Variants in GDPD5 observed in about 807,000 individuals in gnomAD.
The protein encoded by GDPD5 is glycerophosphodiester phosphodiesterase 2.
A neutral mutation model predicts 75.1 loss-of-function variants in GDPD5; 48 were observed. The observed-to-expected ratio is 0.64, with a 90% CI of 0.51 to 0.81. GDPD5 has a LOEUF of 0.81. Among genes scored for constraint, GDPD5 ranks in the 40% least tolerant of loss-of-function variants. The pLI, the probability that GDPD5 is intolerant of heterozygous loss-of-function variation, is 0.00. For missense variants in GDPD5, 706 were observed against 822.6 expected (o/e 0.86, Z 1.73); for synonymous variants, 336 against 339.0 (o/e 0.99, Z 0.10).
intron 9 of GDPD5, 83 bp downstream of exon 9, chr11:75,448,894 T>C: frequency 1.4e-6 from 2 of 1,417,110 alleles, no homozygotes; most frequent in South Asian, 3.2e-5. Context: ...GTTGCTACCA[T>C]TACATATATC....
At chr11:75,511,033 A>G (rs1188548833) in intron 1 of GDPD5, among the ~76,000 whole-genome samples, 3 of 152,346 alleles carry the variant, frequency 2.0e-5, no homozygotes, top group African/African-American at 7.2e-5. Context: ...ACTGTGGGGG[A>G]AAAATGAAAT....
chr11:75,442,281 T>G, intron 12 of GDPD5, 82 bp downstream of exon 12: 1 of 1,048,850 alleles, frequency 9.5e-7, no homozygotes, highest in Non-Finnish European at 1.4e-6. Context: ...AAGTCCGGAG[T>G]GCAACAGGGA....
chr11:75,490,046 G>A (rs11600640), intron 2 of GDPD5, among the ~76,000 whole-genome samples, 191 bp downstream of exon 2: 22,905 of 152,146 alleles, frequency 0.15, 2,172 homozygotes, highest in Middle Eastern at 0.27. Context: ...TATCTGGAAC[G>A]CTGTACTAAG....
At chr11:75,443,892 G>T (rs1217231769) in intron 10 of GDPD5, among the ~76,000 whole-genome samples, 2 of 152,100 alleles carry the variant, frequency 1.3e-5, no homozygotes, top group Non-Finnish European at 2.9e-5. Context: ...TGTCTATACT[G>T]GGAACAATGT....
At chr11:75,518,465 C>A (rs1309672101) in intron 1 of GDPD5, among the ~76,000 whole-genome samples, 1 of 152,176 alleles carries the variant, frequency 6.6e-6, no homozygotes, top group Non-Finnish European at 1.5e-5. Context: ...AGGGGAGCTT[C>A]ATCAACTACT....
intron 1 of GDPD5, among the ~76,000 whole-genome samples, chr11:75,496,028 A>G (rs1458801853): frequency 3.9e-5 from 6 of 152,220 alleles, no homozygotes; most frequent in Non-Finnish European, 8.8e-5. Flanking sequence ...CAGTGATCAC[A>G]ACTTGACTGG....
rs1948933899 is a variant in GDPD5, at chr11:75,444,457, G to T, written c.753C>A (p.Ala251=). The T allele has an allele frequency of 1.2e-6, 2 of 1,613,898 alleles. No individual in the cohort carries two copies. ...GGAGCCCGTACAGCTTCTGCTCGAGGGCCTTCCGGAAGGACATGAGCGTGT... is the reference window on the plus strand; with the variant it reads ...GGAGCCCGTACAGCTTCTGCTCGAGTGCCTTCCGGAAGGACATGAGCGTGT... The part of the protein sequence containing the change: ...PEHTLMSFRK[A]LEQKLYGLQA... Residue 251 remains alanine, a synonymous_variant, in exon 10 of 17, where the codon GCC becomes GCA. Transcript: ENST00000336898.
chr11:75,519,918 ACT>A (rs1179580176), intron 1 of GDPD5, among the ~76,000 whole-genome samples: 1 of 152,024 alleles, frequency 6.6e-6, no homozygotes. Flanking sequence ...AAGAACTCAC[ACT>A]CTCTGCCCAG....
chr11:75,457,794 G>A lies in GDPD5; in HGVS notation c.222-8C>T. ...ATGCGGTTGTAGAGGTACCTGCCAGGAGGAGAGGGGGCAGGGGTCAGACCT... is the reference window on the plus strand; with the variant it reads ...ATGCGGTTGTAGAGGTACCTGCCAGAAGGAGAGGGGGCAGGGGTCAGACCT... On this transcript the variant is annotated splice_polypyrimidine_tract_variant and splice_region_variant and intron_variant, in intron 4 of 16. Coordinates refer to ENST00000336898, the MANE Select transcript of GDPD5 (RefSeq NM_030792.8). 3 of 1,611,440 alleles carry A rather than the reference G, an allele frequency of 1.9e-6. No individual in the cohort carries two copies. The highest frequency in any genetic ancestry group is 2.5e-6 in the Non-Finnish European group (3 of 1,177,696).
intron 9 of GDPD5, among the ~76,000 whole-genome samples, chr11:75,445,951 G>C (rs1948976008): frequency 1.3e-5 from 2 of 152,342 alleles, no homozygotes; most frequent in Admixed American, 1.3e-4. Context: ...TTCTTCTCCT[G>C]TCCCTGGCAT....
At chr11:75,442,819 A>G (rs934808809) in intron 11 of GDPD5, 2 of 603,296 alleles carry the variant, frequency 3.3e-6, no homozygotes, top group African/African-American at 1.9e-5. Flanking sequence ...CCAGACCCAC[A>G]GCATTTCTCC....
chr11:75,458,516 C>CA (rs1949340982), intron 4 of GDPD5, among the ~76,000 whole-genome samples: 1 of 151,864 alleles, frequency 6.6e-6, no homozygotes, highest in Non-Finnish European at 1.5e-5. Context: ...ACTAAAAATA[C>CA]AAAAAATTAG....
intron 4 of GDPD5, among the ~76,000 whole-genome samples, chr11:75,459,952 T>C (rs534829955): frequency 6.6e-6 from 1 of 152,332 alleles, no homozygotes; most frequent in South Asian, 2.1e-4. Flanking sequence ...TCTGGGACCT[T>C]GCCAGACAGC....
rs1031648870 is a variant in GDPD5 at position 75,442,431 on chromosome 11, G to C, written c.1099C>G (p.Pro367Ala). The C allele has an allele frequency of 6.2e-7, 1 of 1,610,328 alleles. No individual in the cohort carries two copies. The highest frequency in any genetic ancestry group is 8.5e-7 in the Non-Finnish European group (1 of 1,178,464). Residue 367 changes from proline (P) to alanine (A), a missense_variant, in exon 12 of 17, where the codon CCC (proline) becomes GCC (alanine). Pro to Ala is a conservative substitution (Grantham distance 27). Coordinates refer to ENST00000336898, the MANE Select transcript of GDPD5 (RefSeq NM_030792.8). ...LNLRDPPREH[P>A]YRSSFINVTL... ...ACGTTGATAAAACTGCTGCGGTAGG[G>C]GTGCTCCCGGGGCGGGTCACGCAGG...
At chr11:75,472,434 G>A (rs1949689149) in intron 3 of GDPD5, among the ~76,000 whole-genome samples, 1 of 152,084 alleles carries the variant, frequency 6.6e-6, no homozygotes, top group Non-Finnish European at 1.5e-5. Flanking sequence ...AAAAGTGGGG[G>A]CCAGCTGGGA....
chr11:75,473,539 A>G (rs1212910862), intron 3 of GDPD5, among the ~76,000 whole-genome samples: 1 of 151,994 alleles, frequency 6.6e-6, no homozygotes, highest in Non-Finnish European at 1.5e-5. Flanking sequence ...CTGAGGCCTC[A>G]CTGGCCCTCC....
chr11:75,450,954 C>T (rs984024267), intron 6 of GDPD5: 1 of 152,462 alleles, frequency 6.6e-6, no homozygotes, highest in Non-Finnish European at 1.5e-5. Context: ...AAGGCCTGTC[C>T]TTCTCCCACA....
rs550509175 is a variant in GDPD5 at position 75,456,286 on chromosome 11, G to C, written c.375+471C>G. ...GGTCATCCTGGGAGCGGTGGGAGTG[G>C]TGGAAAGGCTTTAAGTTGGGGAATG... On this transcript the variant is annotated intron_variant, in intron 6 of 16. Transcript: ENST00000336898. Among the ~76,000 whole-genome samples, 441 of 152,270 alleles carry C rather than the reference G, an allele frequency of 2.9e-3. 1 individual carries two copies. The highest frequency in any genetic ancestry group is 5.2e-3 in the Non-Finnish European group (355 of 68,018).
chr11:75,459,271 T>C (rs149500392), intron 4 of GDPD5, among the ~76,000 whole-genome samples: 47 of 152,288 alleles, frequency 3.1e-4, no homozygotes, highest in African/African-American at 1.1e-3. Flanking sequence ...TATCTTTCTG[T>C]ATTTTTGATT....
Sources: gnomAD v4.1 joint callset for allele counts (sites outside exome capture counted in the v4.1 genomes callset) on GRCh38, gnomAD v4.1.1 for gene constraint, MANE v1.5 for transcripts, NCBI Gene and HGNC (gene_info 2026-07-23, HGNC 2026-07-21) for gene names.